PSD3: variants seen among roughly 807,000 people sequenced by gnomAD.
The protein encoded by PSD3 is PH and SEC7 domain-containing protein 3.
A neutral mutation model predicts 105.5 loss-of-function variants in PSD3; 49 were observed. The ratio of observed to expected loss-of-function variants is 0.46; its 90% CI spans 0.37 to 0.59. The LOEUF (loss-of-function observed/expected upper bound fraction) is 0.59, where lower values mean the gene tolerates loss of function less well. Ranked by LOEUF, PSD3 falls within the 20% of genes least tolerant of loss-of-function variation. The pLI, the probability that PSD3 is intolerant of heterozygous loss-of-function variation, is 0.00. For synonymous variants in PSD3, 557 were observed against 457.8 expected, an observed-to-expected ratio of 1.22 and a Z score of -2.77; for missense variants, 1,561 against 1,263.8, an observed-to-expected ratio of 1.24 and a Z score of -3.57.
At chr8:18,553,937 T>TG (rs1800923216) in intron 15 of PSD3, among the ~76,000 whole-genome samples, 1 of 152,168 alleles carries the variant, frequency 6.6e-6, no homozygotes. Context: ...TAATGAGTCC[T>TG]GGAACGCAGT....
At chr8:19,027,146 A>C (rs1404626739) in intron 1 of PSD3, among the ~76,000 whole-genome samples, 1 of 152,178 alleles carries the variant, frequency 6.6e-6, no homozygotes, top group Non-Finnish European at 1.5e-5. Flanking sequence ...AAAGGAAGGA[A>C]ATCTATCAGC....
At chr8:18,585,673 A>G (rs933379167) in intron 12 of PSD3, among the ~76,000 whole-genome samples, 1 of 152,168 alleles carries the variant, frequency 6.6e-6, no homozygotes, top group Non-Finnish European at 1.5e-5. Flanking sequence ...GGACTAAAAG[A>G]AAAAATACTC....
At chr8:18,750,711 G>A (rs911373389) in intron 9 of PSD3, among the ~76,000 whole-genome samples, 8 of 151,892 alleles carry the variant, frequency 5.3e-5, no homozygotes, top group African/African-American at 1.5e-4. Context: ...TTACAATCCC[G>A]GAGCTAGATA....
rs79448009 is a variant in PSD3, at chr8:19,027,663, C to T, written c.324+56543G>A. ...GAGTTTTAGCTCTCCGTAGTTTTGT[C>T]TTTTTTATAATTCTGTATTAATAGA... is the stretch of plus-strand genomic sequence containing the variant. On this transcript the variant is annotated intron_variant, in intron 1 of 1. Coordinates refer to the PSD3 transcript ENST00000521475. Among the ~76,000 whole-genome samples the T allele has an allele frequency of 9.6e-3, 1,461 of 152,208 alleles. 24 individuals are homozygous for T. The highest frequency in any genetic ancestry group is 0.033 in the African/African-American group (1,380 of 41,522).
At chr8:18,641,485 T>C (rs1175776840) in intron 10 of PSD3, among the ~76,000 whole-genome samples, 1 of 152,186 alleles carries the variant, frequency 6.6e-6, no homozygotes, top group Non-Finnish European at 1.5e-5. Context: ...CAGAGCTGTG[T>C]ACAAAGCAGT....
rs142136071 is a variant in PSD3 at position 18,617,155 on chromosome 8, C to T, written c.2410+15458G>A. Among the ~76,000 whole-genome samples, 292 of 152,214 alleles carry T rather than the reference C, an allele frequency of 1.9e-3. 1 individual carries two copies. Among genetic ancestry groups the T allele is most frequent in the African/African-American group, 6.6e-3 (274 of 41,538 alleles). The stretch of plus-strand genomic sequence containing the variant: ...ATGGGGAAGTTTTTTTCCTGGATGA[C>T]CCCTACAGTATAGAACCTTCTAATC... On this transcript the variant is annotated intron_variant, in intron 11 of 15. Transcript: ENST00000327040.
At chr8:18,869,947 A>G (rs926759480) in intron 3 of PSD3, among the ~76,000 whole-genome samples, 1 of 152,186 alleles carries the variant, frequency 6.6e-6, no homozygotes, top group African/African-American at 2.4e-5. Context: ...ATAGGAGACA[A>G]TTGAAAATAT....
At chr8:18,750,788 C>G (rs1805417920) in intron 9 of PSD3, among the ~76,000 whole-genome samples, 1 of 152,102 alleles carries the variant, frequency 6.6e-6, no homozygotes, top group African/African-American at 2.4e-5. Context: ...TTCTCCAAGG[C>G]CCCACCAGAG....
At chr8:18,743,095 T>G (rs1292480790) in intron 9 of PSD3, among the ~76,000 whole-genome samples, 1 of 152,218 alleles carries the variant, frequency 6.6e-6, no homozygotes, top group Non-Finnish European at 1.5e-5. Flanking sequence ...TAAAAGTTGC[T>G]ATGCATACTT....
At chr8:18,686,309 T>C (rs1216796405) in intron 9 of PSD3, among the ~76,000 whole-genome samples, 1 of 152,198 alleles carries the variant, frequency 6.6e-6, no homozygotes, top group Non-Finnish European at 1.5e-5. Flanking sequence ...CAATCCCCAC[T>C]TTCCTGATGA....
intron 13 of PSD3, among the ~76,000 whole-genome samples, chr8:18,573,966 A>G (rs1448411105): frequency 6.6e-6 from 1 of 152,190 alleles, no homozygotes; most frequent in African/African-American, 2.4e-5. Context: ...CAATAAGACT[A>G]TTTAGAAAAC....
intron 1 of PSD3, among the ~76,000 whole-genome samples, chr8:19,027,522 T>C (rs1827599213): frequency 6.6e-6 from 1 of 152,214 alleles, no homozygotes; most frequent in Non-Finnish European, 1.5e-5. Flanking sequence ...TAGAGCTGTG[T>C]AAGTTCCACT....
intron 9 of PSD3, among the ~76,000 whole-genome samples, chr8:18,749,441 A>T (rs1805296259): frequency 6.6e-6 from 1 of 152,214 alleles, no homozygotes; most frequent in Admixed American, 6.5e-5. Context: ...GTAATTCCGC[A>T]TTTATGCAGG....
intron 1 of PSD3, among the ~76,000 whole-genome samples, chr8:19,023,071 C>T (rs1827416474): frequency 6.6e-6 from 1 of 152,120 alleles, no homozygotes; most frequent in Non-Finnish European, 1.5e-5. Flanking sequence ...TCAAGTTAAT[C>T]ACCTCCATCA....
At chr8:19,048,348 A>C (rs1828398309) in intron 1 of PSD3, among the ~76,000 whole-genome samples, 1 of 152,254 alleles carries the variant, frequency 6.6e-6, no homozygotes, top group Admixed American at 6.5e-5. Flanking sequence ...TACAAGGGCA[A>C]AACTCATTTA....
intron 4 of PSD3, among the ~76,000 whole-genome samples, chr8:18,841,876 A>G (rs1814654891): frequency 6.6e-6 from 1 of 152,194 alleles, no homozygotes; most frequent in South Asian, 2.1e-4. Context: ...TCCCTTCATT[A>G]AAGACTTTAA....
chr8:18,871,578 T>G, intron 3 of PSD3, 48 bp downstream of exon 3: 9 of 1,528,890 alleles, frequency 5.9e-6, no homozygotes, highest in Non-Finnish European at 7.9e-6. Context: ...CAGTTTTCTA[T>G]GATATGTACC....
Position 19,057,222 on chromosome 8 carries a change from T to A in PSD3, c.324+26984A>T, listed in dbSNP as rs556064430. ...TCTCTACTCTTGTTCATAATCAAAT[T>A]TGAACAAGAAATTTCTCTACTCTTG... On this transcript the variant is annotated intron_variant, in intron 1 of 1. Transcript: ENST00000521475. Among the ~76,000 whole-genome samples the A allele has an allele frequency of 3.3e-5, 5 of 152,282 alleles. No individual in the cohort carries two copies. The East Asian group carries it at 9.7e-4, about 29-fold the overall frequency.
chr8:18,980,745 C>T (rs1825209479), intron 1 of PSD3, among the ~76,000 whole-genome samples: 1 of 152,152 alleles, frequency 6.6e-6, no homozygotes, highest in Non-Finnish European at 1.5e-5. Context: ...ACATATCCAA[C>T]TGATCAAAGT....
Sources: gnomAD v4.1 joint callset for allele counts (sites outside exome capture counted in the v4.1 genomes callset) on GRCh38, gnomAD v4.1.1 for gene constraint, MANE v1.5 for transcripts, NCBI Gene and HGNC (gene_info 2026-07-23, HGNC 2026-07-21) for gene names.